Variants in USP54 observed in about 807,000 individuals in gnomAD.
USP54 encodes ubiquitin specific peptidase 54.
In USP54, 87 loss-of-function variants were observed where a neutral mutation model predicts 170.5. The ratio of observed to expected loss-of-function variants is 0.51; its 90% CI spans 0.43 to 0.61. The LOEUF is 0.61. Ranked by LOEUF, USP54 falls within the 20% of genes least tolerant of loss-of-function variation. The pLI is 0.00. For synonymous variants in USP54, 655 were observed against 742.8 expected (o/e 0.88, Z 1.92); for missense variants, 1,786 against 2,047.8 (o/e 0.87, Z 2.47).
chr10:73,564,198 A>G (rs1589130504), intron 4 of USP54, among the ~76,000 whole-genome samples: 1 of 152,184 alleles, frequency 6.6e-6, no homozygotes, highest in African/African-American at 2.4e-5. Flanking sequence ...ACAGGATCTC[A>G]TTTTGTTGCC....
At chr10:73,616,609 G>C (rs1328369964) in intron 1 of USP54, among the ~76,000 whole-genome samples, 1 of 149,870 alleles carries the variant, frequency 6.7e-6, no homozygotes, top group Non-Finnish European at 1.5e-5. Flanking sequence ...TATGTAACAC[G>C]CCTGCACATC....
intron 1 of USP54, among the ~76,000 whole-genome samples, chr10:73,621,599 CAAAAAAA>C (rs11380656): frequency 1.6e-5 from 1 of 61,178 alleles, no homozygotes; most frequent in African/African-American, 5.4e-5. Context: ...CACTCCGTCT[CAAAAAAA>C]AAAAAAAAAA....
intron 20 of USP54, chr10:73,506,113 C>T (rs1239827576): frequency 6.6e-6 from 1 of 152,192 alleles, no homozygotes; most frequent in Non-Finnish European, 1.5e-5. Context: ...TAATAATCAT[C>T]TATCAAACCT....
rs185062065 is a variant in USP54, at chr10:73,534,611, C to T, written c.1304G>A (p.Ser435Asn). 5.0e-6 allele frequency: 8 copies of T among 1,613,980 alleles called. No individual in the cohort carries two copies. Among genetic ancestry groups the T allele is most frequent in the East Asian group, 4.5e-5 (2 of 44,870 alleles). Residue 435 changes from serine to asparagine, a missense_variant, in exon 12 of 24, where the codon AGT (serine) becomes AAT (asparagine). Physicochemically the swap from Ser to Asn is conservative, Grantham distance 46 (BLOSUM62 1). Transcript: ENST00000687698. ...NVENDSMSQS[S>N]RDTGHLTDSE... ...GTATAAGTCCCTACCTGTGTCCCGA[C>T]TGCTCTGAGACATGGAATCATTTTC...
chr10:73,606,660 C>T (rs1325748026), intron 1 of USP54, among the ~76,000 whole-genome samples: 1 of 152,036 alleles, frequency 6.6e-6, no homozygotes, highest in Non-Finnish European at 1.5e-5. Context: ...GGGCAGATCA[C>T]AAGGTCAGGA....
intron 4 of USP54, among the ~76,000 whole-genome samples, chr10:73,554,832 ACCAT>A (rs2070549803): frequency 6.6e-6 from 1 of 152,232 alleles, no homozygotes; most frequent in Non-Finnish European, 1.5e-5. Flanking sequence ...CTGAAACATG[ACCAT>A]AAGGCTGGGC....
At chr10:73,618,461 G>A (rs2080823693) in intron 1 of USP54, among the ~76,000 whole-genome samples, 1 of 150,220 alleles carries the variant, frequency 6.7e-6, no homozygotes, top group South Asian at 2.1e-4. Flanking sequence ...AATTAGCTGG[G>A]GCCGGGCACA....
chr10:73,501,538 C>T lies in USP54; in HGVS notation c.4312-700G>A, dbSNP rs79268298. Among the ~76,000 whole-genome samples the T allele has an allele frequency of 9.1e-3, 1,381 of 152,296 alleles. 22 individuals are homozygous for T. The highest frequency in any genetic ancestry group is 0.031 in the African/African-American group (1,289 of 41,562). The stretch of plus-strand genomic sequence containing the variant: ...AACATTGGCAATGACCTTGATTTCC[C>T]ACTTCCCATCCACAATTCCATTACT... On this transcript the variant is annotated intron_variant, in intron 22 of 23. Coordinates refer to ENST00000687698, the MANE Select transcript of USP54 (RefSeq NM_001391956.1).
intron 1 of USP54, among the ~76,000 whole-genome samples, chr10:73,582,000 G>A (rs2076956048): frequency 1.3e-5 from 2 of 152,176 alleles, no homozygotes; most frequent in Admixed American, 1.3e-4. Flanking sequence ...ACAGCTTAAT[G>A]TGCTACCATT....
chr10:73,591,409 G>A (rs1325795783), upstream of USP54: 4 of 152,104 alleles, frequency 2.6e-5, no homozygotes, highest in South Asian at 4.1e-4. Flanking sequence ...GGGAGGAGAC[G>A]ACTGTAGCTA....
chr10:73,569,037 G>A (rs772943432), intron 4 of USP54, among the ~76,000 whole-genome samples: 3 of 152,086 alleles, frequency 2.0e-5, no homozygotes, highest in East Asian at 1.9e-4. Context: ...GCACAGTCCC[G>A]ACTAGTCAAA....
upstream of USP54, among the ~76,000 whole-genome samples, chr10:73,592,048 C>G (rs1026372301): frequency 2.0e-5 from 3 of 152,048 alleles, no homozygotes; most frequent in Admixed American, 6.6e-5. Flanking sequence ...ATCTCCACCC[C>G]TCTCTCGGGG....
intron 1 of USP54, among the ~76,000 whole-genome samples, chr10:73,603,858 T>C (rs374244061): frequency 4.6e-5 from 7 of 151,452 alleles, no homozygotes; most frequent in Admixed American, 2.6e-4. Context: ...CAATGGCCAA[T>C]GAACACAGGA....
At chr10:73,589,743 G>A (rs748446982) in intron 1 of USP54, among the ~76,000 whole-genome samples, 17 of 152,156 alleles carry the variant, frequency 1.1e-4, no homozygotes, top group Non-Finnish European at 2.1e-4. Context: ...GTACTGAATG[G>A]CACAAGCAAC....
At chr10:73,571,347 T>A (rs2075164382) in intron 4 of USP54, 74 bp downstream of exon 4, 2 of 1,288,722 alleles carry the variant, frequency 1.6e-6, no homozygotes, top group Admixed American at 3.8e-5. Flanking sequence ...ATCATCCTGA[T>A]TAACCAAACC....
chr10:73,500,960 A>G (rs2057992671), intron 22 of USP54, 122 bp from the exon 23 acceptor site: 2 of 1,066,768 alleles, frequency 1.9e-6, no homozygotes, highest in Admixed American at 3.4e-5. Flanking sequence ...AAACATGCCT[A>G]CATGCCTTGT....
chr10:73,517,390 G>A lies in USP54; in HGVS notation c.3036C>T (p.Leu1012=), dbSNP rs1216219121. The change falls in exon 20 of 24, where the codon CTC becomes CTT. Residue 1012 remains leucine, a synonymous_variant. Coordinates refer to ENST00000687698, the MANE Select transcript of USP54 (RefSeq NM_001391956.1). ...CAATGCCTCTTCCTTCTTGTGGAGG[G>A]AGCTTGCTGCAACTGCTGTTGTCAC... ...SRCDNSSCSK[L]PPQEGRGIAQ... is the part of the protein sequence containing the mutation. 6 of 1,613,840 alleles carry A rather than the reference G, an allele frequency of 3.7e-6. No individual in the cohort carries two copies. The highest frequency in any genetic ancestry group is 1.7e-4 in the Middle Eastern group (1 of 6,046).
At chr10:73,610,291 A>G (rs1457631205) in intron 1 of USP54, among the ~76,000 whole-genome samples, 2 of 152,174 alleles carry the variant, frequency 1.3e-5, no homozygotes, top group Non-Finnish European at 2.9e-5. Flanking sequence ...CCAAGACTTA[A>G]TAATTGTCAC....
intron 19 of USP54, 81 bp downstream of exon 19, chr10:73,519,716 C>A (rs2061614148): frequency 1.9e-6 from 3 of 1,586,922 alleles, no homozygotes; most frequent in East Asian, 4.5e-5. Flanking sequence ...GTCGCCAAGA[C>A]AATGAGAGCT....
Sources: gnomAD v4.1 joint callset for allele counts (sites outside exome capture counted in the v4.1 genomes callset) on GRCh38, gnomAD v4.1.1 for gene constraint, MANE v1.5 for transcripts, NCBI Gene and HGNC (gene_info 2026-07-23, HGNC 2026-07-21) for gene names.